STX18: variants seen among roughly 807,000 people sequenced by gnomAD.
STX18 encodes the protein syntaxin 18.
A neutral mutation model predicts 50.1 loss-of-function variants in STX18; 40 were observed. The observed-to-expected ratio is 0.80, with a 90% confidence interval of 0.62 to 1.04. STX18 has a LOEUF of 1.04. Among genes scored for constraint, STX18 ranks in the 50% least tolerant of loss-of-function variants. STX18 has a pLI of 0.00. For missense variants in STX18, 410 were observed against 415.8 expected (o/e 0.99, Z 0.12); for synonymous variants, 158 against 151.8 (o/e 1.04, Z -0.30).
intron 1 of STX18, among the ~76,000 whole-genome samples, chr4:4,498,888 C>T (rs981641418): frequency 3.9e-5 from 6 of 152,104 alleles, no homozygotes; most frequent in African/African-American, 1.4e-4. Context: ...ATAAGTAAGA[C>T]ATCACCTGTT....
intron 6 of STX18, among the ~76,000 whole-genome samples, chr4:4,435,840 G>A (rs1175911336): frequency 3.3e-5 from 5 of 152,168 alleles, no homozygotes; most frequent in African/African-American, 4.8e-5. Flanking sequence ...AATACCACAG[G>A]CCCCTAGAAA....
intron 1 of STX18, among the ~76,000 whole-genome samples, chr4:4,492,528 CAATT>C (rs1232932898): frequency 3.3e-5 from 5 of 152,070 alleles, no homozygotes; most frequent in Non-Finnish European, 7.4e-5. Flanking sequence ...TTGACAATAA[CAATT>C]AGGAGAATCA....
chr4:4,467,828 A>C (rs1308261768), intron 2 of STX18, among the ~76,000 whole-genome samples: 1 of 152,246 alleles, frequency 6.6e-6, no homozygotes, highest in Non-Finnish European at 1.5e-5. Context: ...AAAGGGCCTG[A>C]AACAGAGCCC....
At chr4:4,495,379 TTCTC>T (rs923152713) in intron 1 of STX18, among the ~76,000 whole-genome samples, 3 of 150,308 alleles carry the variant, frequency 2.0e-5, no homozygotes, top group South Asian at 2.1e-4. Context: ...CCTGTCTTTC[TTCTC>T]TCTCTCTTTC....
intron 1 of STX18, among the ~76,000 whole-genome samples, chr4:4,534,480 A>G (rs1731243410): frequency 6.6e-6 from 1 of 152,182 alleles, no homozygotes; most frequent in South Asian, 2.1e-4. Context: ...CCTACCTACT[A>G]AATACTAAAT....
intron 1 of STX18, among the ~76,000 whole-genome samples, chr4:4,492,932 C>T (rs1404137138): frequency 6.6e-6 from 1 of 152,178 alleles, no homozygotes; most frequent in Non-Finnish European, 1.5e-5. Flanking sequence ...CCAAATTTAA[C>T]TTACATGAGA....
chr4:4,535,581 G>C (rs1731293668), intron 1 of STX18, among the ~76,000 whole-genome samples: 1 of 152,126 alleles, frequency 6.6e-6, no homozygotes, highest in Admixed American at 6.5e-5. Context: ...AGGGTAGTAG[G>C]CTGGCGAATG....
intron 1 of STX18, among the ~76,000 whole-genome samples, chr4:4,473,150 G>C (rs1467383870): frequency 6.6e-6 from 1 of 152,114 alleles, no homozygotes; most frequent in Non-Finnish European, 1.5e-5. Flanking sequence ...ACTTGTCCAA[G>C]GTTACACATT....
intron 1 of STX18, among the ~76,000 whole-genome samples, chr4:4,488,290 C>G (rs1355023394): frequency 6.6e-6 from 1 of 152,026 alleles, no homozygotes; most frequent in Non-Finnish European, 1.5e-5. Context: ...AGACTAAATA[C>G]TACCCTACTG....
intron 1 of STX18, among the ~76,000 whole-genome samples, chr4:4,475,007 C>T (rs1406090659): frequency 6.6e-6 from 1 of 152,158 alleles, no homozygotes; most frequent in Non-Finnish European, 1.5e-5. Context: ...ATAAAGTTTT[C>T]CATACAAAGT....
chr4:4,536,580 C>T (rs1239516963), intron 1 of STX18, among the ~76,000 whole-genome samples: 2 of 151,958 alleles, frequency 1.3e-5, no homozygotes, highest in Non-Finnish European at 2.9e-5. Flanking sequence ...AGGTTCTAAG[C>T]GGGAAATGTG....
chr4:4,458,504 C>T (rs895698859), intron 3 of STX18, among the ~76,000 whole-genome samples: 1 of 152,194 alleles, frequency 6.6e-6, no homozygotes, highest in Non-Finnish European at 1.5e-5. Context: ...ACCTCCCCAA[C>T]AAAAGTCTGT....
chr4:4,461,405 T>C (rs1727371567), intron 2 of STX18, among the ~76,000 whole-genome samples: 1 of 152,194 alleles, frequency 6.6e-6, no homozygotes, highest in Non-Finnish European at 1.5e-5. Context: ...CTATCTAGGT[T>C]ACATGCTGTT....
At chr4:4,479,762 G>A (rs527478044) in intron 1 of STX18, among the ~76,000 whole-genome samples, 1 of 152,132 alleles carries the variant, frequency 6.6e-6, no homozygotes, top group Admixed American at 6.5e-5. Flanking sequence ...ACAGCAGTAT[G>A]GTCCCTACAT....
intron 1 of STX18, among the ~76,000 whole-genome samples, chr4:4,492,701 C>T (rs561748298): frequency 6.6e-6 from 1 of 152,226 alleles, no homozygotes; most frequent in South Asian, 2.1e-4. Context: ...GTTCTGAATT[C>T]TGCTTATCAC....
chr4:4,456,160 A>C (rs1727053859), intron 5 of STX18, among the ~76,000 whole-genome samples: 1 of 151,964 alleles, frequency 6.6e-6, no homozygotes, highest in African/African-American at 2.4e-5. Context: ...CATGCCTGTA[A>C]TCCCAGCTAC....
chr4:4,458,545 G>A (rs1227374324), intron 3 of STX18, among the ~76,000 whole-genome samples: 1 of 152,156 alleles, frequency 6.6e-6, no homozygotes, highest in African/African-American at 2.4e-5. Flanking sequence ...TGGCAGCTTT[G>A]AACTCTACTT....
chr4:4,456,278 A>C (rs1727065388), intron 5 of STX18, among the ~76,000 whole-genome samples: 1 of 152,098 alleles, frequency 6.6e-6, no homozygotes, highest in African/African-American at 2.4e-5. Context: ...AAAACAAAAA[A>C]AAACAAAAAA....
At chr4:4,475,051 T>C (rs1728108276) in intron 1 of STX18, among the ~76,000 whole-genome samples, 1 of 152,322 alleles carries the variant, frequency 6.6e-6, no homozygotes, top group African/African-American at 2.4e-5. Flanking sequence ...CTGTACAGGT[T>C]AGATCCAGCT....
Sources: gnomAD v4.1 joint callset for allele counts (sites outside exome capture counted in the v4.1 genomes callset) on GRCh38, gnomAD v4.1.1 for gene constraint, MANE v1.5 for transcripts, NCBI Gene and HGNC (gene_info 2026-07-23, HGNC 2026-07-21) for gene names.